The following NFE2L2 variants were observed in gnomAD, a reference collection of about 807,000 sequenced individuals.
NFE2L2 encodes nuclear factor erythroid 2-related factor 2.
In NFE2L2, 20 loss-of-function variants were observed where a neutral mutation model predicts 49.6. The observed-to-expected ratio is 0.40, with a 90% CI of 0.28 to 0.59. The LOEUF (loss-of-function observed/expected upper bound fraction) is 0.59. Ranked by LOEUF, NFE2L2 falls within the 20% of genes least tolerant of loss-of-function variation. The pLI is 0.40. For synonymous variants in NFE2L2, 244 were observed against 256.5 expected, an observed-to-expected ratio of 0.95 and a Z score of 0.47; for missense variants, 578 against 714.2, an observed-to-expected ratio of 0.81 and a Z score of 2.17.
Position 177,253,369 on chromosome 2 carries a change from C to T in NFE2L2, c.45+11163G>A, listed in dbSNP as rs368504448. Among the ~76,000 whole-genome samples the T allele has an allele frequency of 3.3e-5, 5 of 152,160 alleles. No homozygotes were observed. The East Asian group carries it at 9.6e-4, about 29-fold the overall frequency. ...CGTAAGCACCAGGCATGGCGCTAGA[C>T]ATCAGAATTACACAAAAGATTAAAA... On this transcript the variant is annotated intron_variant, in intron 1 of 4. Coordinates refer to ENST00000397062, the MANE Select transcript of NFE2L2 (RefSeq NM_006164.5).
chr2:177,233,802 C>A (rs1009768117), intron 2 of NFE2L2: 2 of 654,434 alleles, frequency 3.1e-6, no homozygotes, highest in Non-Finnish European at 5.1e-6. Context: ...CCAATCCTCA[C>A]AATAACACTG....
At chr2:177,239,838 A>G (rs993880504) in intron 1 of NFE2L2, among the ~76,000 whole-genome samples, 9 of 151,380 alleles carry the variant, frequency 5.9e-5, no homozygotes, top group African/African-American at 2.2e-4. Flanking sequence ...CAATAGGTTT[A>G]TTGTTATGGC....
At position 177,233,271 on chromosome 2, in the gene NFE2L2, G is replaced by A; in HGVS notation, c.381C>T (p.Phe127=). 6.3e-7 allele frequency: 1 copy of A among 1,597,562 alleles called. No homozygotes were observed. Among genetic ancestry groups the A allele is most frequent in the South Asian group, 1.1e-5 (1 of 87,428 alleles). ...TCACCTCATTGTCATCTACAAACGG[G>A]AATGTCTGCGCCAAAAGCTGCATGC... ...DDCMQLLAQT[F]PFVDDNEVSS... Residue 127 remains phenylalanine (F), a synonymous_variant, in exon 3 of 5, where the codon TTC becomes TTT. Transcript: ENST00000397062.
chr2:177,261,841 C>T (rs887427578), intron 1 of NFE2L2, among the ~76,000 whole-genome samples: 1 of 152,072 alleles, frequency 6.6e-6, no homozygotes, highest in South Asian at 2.1e-4. Flanking sequence ...ACACAAAACC[C>T]CCTTTAAATG....
chr2:177,232,475 G>C lies in NFE2L2; in HGVS notation c.511C>G (p.Gln171Glu). The change falls in exon 4 of 5, where the codon CAG becomes GAG. Residue 171 changes from glutamine to glutamate, a missense_variant. Gln to Glu is a conservative substitution (Grantham distance 29). Around this residue, in one of 3 missense-constraint regions of NFE2L2, gnomAD observed 368 missense variants for 384.6 expected, o/e 0.96. Transcript: ENST00000397062. ...QAQSPETSVA[Q>E]VAPVDLDGMQ... ...CCGTCTAAATCAACAGGGGCTACCT[G>C]AGCAACAGAAGTTTCAGGTGACTGA... The C allele has an allele frequency of 6.2e-7, 1 of 1,614,112 alleles. No homozygotes were observed. The highest frequency in any genetic ancestry group is 8.5e-7 in the Non-Finnish European group (1 of 1,179,988).
rs1410924215 is a variant in NFE2L2, at chr2:177,231,663, T to A, written c.940A>T (p.Asn314Tyr). ...TLSHSLSELLNGPIDVSDLSL... is the reference protein window; with the variant it reads ...TLSHSLSELLYGPIDVSDLSL... ...AGATCAGAAACATCAATGGGCCCAT[T>A]TAGAAGTTCAGAGAGTGAATGGCTT... Residue 314 changes from asparagine (N) to tyrosine (Y), a missense_variant, in exon 5 of 5, where the codon AAT becomes TAT. Asn to Tyr is a moderately radical substitution (Grantham distance 143). Around this residue, in one of 3 missense-constraint regions of NFE2L2, gnomAD observed 368 missense variants for 384.6 expected, o/e 0.96. Coordinates refer to ENST00000397062, the MANE Select transcript of NFE2L2 (RefSeq NM_006164.5). 1.2e-6 allele frequency: 2 copies of A among 1,614,048 alleles called. No homozygotes were observed. The highest frequency in any genetic ancestry group is 2.2e-5 in the East Asian group (1 of 44,894).
At position 177,234,170 on chromosome 2, in the gene NFE2L2, T is replaced by C. The variant is rs370021831; in HGVS notation, c.147A>G (p.Glu49=). 1.2e-6 allele frequency: 2 copies of C among 1,614,070 alleles called. No individual in the cohort carries two copies. Among genetic ancestry groups the C allele is most frequent in the Admixed American group, 1.7e-5 (1 of 59,994 alleles). Reference sequence around the variant, plus strand: ...TTTCCTTTTCAAGTTTTTTCTGTTTTTCCAGCTCATACTCTTTCCGTCGCT... The same window carrying C: ...TTTCCTTTTCAAGTTTTTTCTGTTTCTCCAGCTCATACTCTTTCCGTCGCT... ...FSQRRKEYEL[E]KQKKLEKERQ... The change falls in exon 2 of 5, where the codon GAA becomes GAG. Residue 49 remains glutamate (E), a synonymous_variant. Transcript: ENST00000397062.
chr2:177,247,562 G>A (rs531900685), intron 1 of NFE2L2, among the ~76,000 whole-genome samples: 59 of 151,914 alleles, frequency 3.9e-4, no homozygotes, highest in African/African-American at 1.3e-3. Flanking sequence ...TCCAGAGGCT[G>A]AGGCAAGAGA....
At chr2:177,262,283 A>G in intron 1 of NFE2L2, among the ~76,000 whole-genome samples, 1 of 152,248 alleles carries the variant, frequency 6.6e-6, no homozygotes. Flanking sequence ...TTCAATATCA[A>G]CTTCATCCCT....
Position 177,231,027 on chromosome 2 carries a change from C to G in NFE2L2, c.1576G>C (p.Glu526Gln), listed in dbSNP as rs543741573. Reference protein sequence around the residue: ...KRKLENIVELEQDLDHLKDEK... With the variant: ...KRKLENIVELQQDLDHLKDEK... ...TCTTTCAAATGATCTAAATCTTGCT[C>G]TAGTTCTACTATATTTTCCAGTTTT... The change falls in exon 5 of 5, where the codon GAG (glutamate) becomes CAG (glutamine). Residue 526 changes from glutamate (E) to glutamine (Q), a missense_variant. Coordinates refer to ENST00000397062, the MANE Select transcript of NFE2L2 (RefSeq NM_006164.5). 6.2e-7 allele frequency: 1 copy of G among 1,613,544 alleles called. No individual in the cohort carries two copies. The highest frequency in any genetic ancestry group is 8.5e-7 in the Non-Finnish European group (1 of 1,179,930).
chr2:177,253,708 T>C (rs1460368537), intron 1 of NFE2L2, among the ~76,000 whole-genome samples: 1 of 152,194 alleles, frequency 6.6e-6, no homozygotes, highest in Non-Finnish European at 1.5e-5. Flanking sequence ...ATAGAAAAAT[T>C]ATTTAACATC....
chr2:177,258,227 A>G (rs139330296), intron 1 of NFE2L2, among the ~76,000 whole-genome samples: 96 of 152,382 alleles, frequency 6.3e-4, no homozygotes, highest in South Asian at 4.8e-3. Context: ...ATAGCCATAC[A>G]ATGGAATAGT....
chr2:177,244,725 G>A (rs756054675), intron 1 of NFE2L2, among the ~76,000 whole-genome samples: 5 of 152,140 alleles, frequency 3.3e-5, no homozygotes, highest in African/African-American at 4.8e-5. Flanking sequence ...AAATAATCTC[G>A]GCTGGGTGCG....
intron 1 of NFE2L2, among the ~76,000 whole-genome samples, chr2:177,258,592 T>C (rs1690616351): frequency 1.3e-5 from 2 of 152,228 alleles, no homozygotes; most frequent in Non-Finnish European, 2.9e-5. Context: ...AATGGGTAAA[T>C]TGTAAGGTAC....
intron 1 of NFE2L2, among the ~76,000 whole-genome samples, chr2:177,264,104 G>C (rs918575294): frequency 2.6e-5 from 4 of 152,028 alleles, no homozygotes; most frequent in Non-Finnish European, 5.9e-5. Flanking sequence ...GCACCGAGGC[G>C]GGGGAGCCGC....
chr2:177,260,662 C>T (rs983523322), intron 1 of NFE2L2, among the ~76,000 whole-genome samples: 5 of 152,168 alleles, frequency 3.3e-5, no homozygotes, highest in Admixed American at 1.3e-4. Context: ...GTCTGTCACA[C>T]TCTTCACCAT....
intron 1 of NFE2L2, among the ~76,000 whole-genome samples, chr2:177,244,557 T>A (rs1219759668): frequency 6.6e-6 from 1 of 152,116 alleles, no homozygotes; most frequent in African/African-American, 2.4e-5. Flanking sequence ...CAGAAAGACC[T>A]CACAGAAGAG....
intron 1 of NFE2L2, among the ~76,000 whole-genome samples, chr2:177,255,617 T>G (rs971327242): frequency 6.6e-6 from 1 of 152,126 alleles, no homozygotes; most frequent in African/African-American, 2.4e-5. Context: ...TGGAGTACAG[T>G]GGCATGATTA....
intron 3 of NFE2L2, 60 bp from the exon 4 acceptor site, chr2:177,232,643 A>G: frequency 6.5e-7 from 1 of 1,538,986 alleles, no homozygotes; most frequent in Non-Finnish European, 8.9e-7. Context: ...AGTAAGCTCT[A>G]AGGCACCACT....
Sources: gnomAD v4.1 joint callset for allele counts (sites outside exome capture counted in the v4.1 genomes callset) on GRCh38, gnomAD v4.1.1 for gene constraint, gnomAD v4.1.1 regional missense constraint, MANE v1.5 for transcripts, NCBI Gene and HGNC (gene_info 2026-07-23, HGNC 2026-07-21) for gene names.